The following SLC47A2 variants were observed in gnomAD, a reference collection of about 807,000 sequenced individuals.
SLC47A2 encodes multidrug and toxin extrusion protein 2.
SLC47A2 carries 52 observed loss-of-function variants against 67.7 expected under a neutral mutation model. That is an observed-to-expected ratio of 0.77 (90% CI 0.61 to 0.97). SLC47A2 has a LOEUF of 0.97. SLC47A2 is among the 50% of genes least tolerant of loss of function. The pLI is 0.00. For synonymous variants in SLC47A2, 278 were observed against 292.9 expected, an observed-to-expected ratio of 0.95 and a Z score of 0.52; for missense variants, 676 against 712.3, an observed-to-expected ratio of 0.95 and a Z score of 0.58.
At chr17:19,706,526 T>G (rs1187255266) in intron 9 of SLC47A2, 122 bp downstream of exon 9, 21 of 738,944 alleles carry the variant, frequency 2.8e-5, no homozygotes, top group Non-Finnish European at 4.3e-5. Flanking sequence ...GGAAGGGGGC[T>G]GGTGAGCTGC....
intron 13 of SLC47A2, among the ~76,000 whole-genome samples, chr17:19,692,830 T>C (rs1441720236): frequency 2.0e-5 from 3 of 152,162 alleles, no homozygotes; most frequent in Non-Finnish European, 2.9e-5. Context: ...ATATACACCA[T>C]GATCAAGAGA....
chr17:19,715,301 G>A, intron 1 of SLC47A2, 84 bp from the exon 2 acceptor site: 1 of 1,283,618 alleles, frequency 7.8e-7, no homozygotes, highest in Non-Finnish European at 1.1e-6. Context: ...CCAGCTTTGA[G>A]GGCCCCGCAC....
chr17:19,684,395 A>T (rs1402387115), intron 13 of SLC47A2, among the ~76,000 whole-genome samples: 1 of 152,230 alleles, frequency 6.6e-6, no homozygotes, highest in Admixed American at 6.5e-5. Context: ...TTTGATGAAC[A>T]TCAAAATTTA....
chr17:19,702,241 G>C (rs935847636), intron 13 of SLC47A2: 4 of 985,156 alleles, frequency 4.1e-6, no homozygotes, highest in Non-Finnish European at 4.8e-6. Context: ...GTCCCTCTGT[G>C]CTGGCAACAG....
intron 13 of SLC47A2, among the ~76,000 whole-genome samples, chr17:19,692,906 G>T (rs2085574576): frequency 6.6e-6 from 1 of 152,172 alleles, no homozygotes; most frequent in South Asian, 2.1e-4. Context: ...GCCGAGGCAG[G>T]TGGATCACGA....
intron 16 of SLC47A2, among the ~76,000 whole-genome samples, chr17:19,679,200 A>T (rs1015954369): frequency 1.3e-5 from 2 of 152,220 alleles, no homozygotes; most frequent in African/African-American, 4.8e-5. Context: ...CTGTGGCTTC[A>T]AAAGCACGTG....
Position 19,704,770 on chromosome 17 carries a change from C to G in SLC47A2, c.910-592G>C, listed in dbSNP as rs1179728462. 2.3e-6 allele frequency: 3 copies of G among 1,297,566 alleles called. No homozygotes were observed. In the African/African-American group the frequency reaches 4.5e-5, roughly 19 times the overall value. The allele number at this position is 1,297,566 out of a possible 1,614,324, so 80.4% of individuals were successfully genotyped here. A position where few individuals can be genotyped will look rare whatever the true frequency, so the allele number is the denominator to read the frequency against. On this transcript the variant is annotated intron_variant, in intron 10 of 16. Transcript: ENST00000433844. ...CCCTGCTGGGGACGCTGTCACCCAG[C>G]TCTGGCCGACTGCAGTGTGCAGGAA... is the stretch of plus-strand genomic sequence containing the variant.
rs1335533804 is a variant in SLC47A2 at position 19,681,610 on chromosome 17, C to T, written c.1225G>A (p.Ala409Thr). 2 of 1,614,172 alleles carry T rather than the reference C, an allele frequency of 1.2e-6. No homozygotes were observed. The highest frequency in any genetic ancestry group is 2.2e-5 in the South Asian group (2 of 91,082). The change falls in exon 14 of 17, where the codon GCC becomes ACC. Residue 409 changes from alanine to threonine, a missense_variant. Transcript: ENST00000433844. ...AGGCCGATGATGTAATATGTGATGG[C>T]ATTCACAGCGGCACCAAAGGCCTGC... Reference protein sequence around the residue: ...GKQAFGAAVNAITYYIIGLPL... With the variant: ...GKQAFGAAVNTITYYIIGLPL...
intron 13 of SLC47A2, among the ~76,000 whole-genome samples, chr17:19,699,040 A>G (rs914269359): frequency 1.6e-4 from 25 of 152,288 alleles, no homozygotes; most frequent in African/African-American, 5.8e-4. Context: ...GGGTCCTGGA[A>G]CCAATTGCCC....
chr17:19,714,482 G>C lies in SLC47A2; in HGVS notation c.294+239C>G. 1.9e-5 allele frequency: 11 copies of C among 590,290 alleles called. No individual in the cohort carries two copies. The South Asian group carries it at 2.2e-4, about 12-fold the overall frequency. 36.6% of individuals were successfully genotyped at this position (590,290 alleles called of 1,614,324 possible). ...TTGGTGACCTCCTCTGGGGGCAAGA[G>C]ATCAGAGAACTGTCTCCACCATCTC... On this transcript the variant is annotated intron_variant, in intron 3 of 16. Coordinates refer to ENST00000433844, the MANE Select transcript of SLC47A2 (RefSeq NM_001099646.3).
rs945153654 is a variant in SLC47A2, at chr17:19,678,398, T to G, written c.*288A>C. On this transcript the variant is annotated 3_prime_UTR_variant, in exon 17 of 17. Transcript: ENST00000433844. ...GTCCCATTTGAAGCCATTTACATTA[T>G]TAATAATAGTGACAATCCCTGGACT... 9.8e-6 allele frequency: 4 copies of G among 407,580 alleles called. No homozygotes were observed. The Admixed American group carries it at 1.1e-4, about 11-fold the overall frequency. 25.2% of individuals were successfully genotyped at this position (407,580 alleles called of 1,614,324 possible).
intron 13 of SLC47A2, among the ~76,000 whole-genome samples, chr17:19,700,919 G>A (rs1052098310): frequency 4.0e-5 from 6 of 151,768 alleles, no homozygotes; most frequent in African/African-American, 9.7e-5. Context: ...TAATCCCAGC[G>A]CATTTTGGGA....
intron 13 of SLC47A2, among the ~76,000 whole-genome samples, chr17:19,684,281 G>A (rs2085373318): frequency 6.6e-6 from 1 of 152,044 alleles, no homozygotes; most frequent in South Asian, 2.1e-4. Context: ...AGAGATGCCT[G>A]CCAGAAATAA....
rs371450752 is a variant in SLC47A2, at chr17:19,678,911, G to T, written c.1481-5C>A. On this transcript the variant is annotated splice_region_variant and splice_polypyrimidine_tract_variant and intron_variant, in intron 16 of 16. Transcript: ENST00000433844. ...CAGGGGAACTGCCTGTAGCCACTGC[G>T]GAAGCAAACAGGAGCAAACTCAGCA... 2.6e-6 allele frequency: 4 copies of T among 1,561,652 alleles called. No homozygotes were observed. The highest frequency in any genetic ancestry group is 3.5e-6 in the Non-Finnish European group (4 of 1,151,626).
At chr17:19,708,241 AG>A in intron 7 of SLC47A2, 60 bp downstream of exon 7, 1 of 1,547,544 alleles carries the variant, frequency 6.5e-7, no homozygotes, top group Non-Finnish European at 8.9e-7. Context: ...TGTCTCCACC[AG>A]GGGTGGAGAG....
At chr17:19,687,743 A>G (rs1002006936) in intron 13 of SLC47A2, among the ~76,000 whole-genome samples, 2 of 152,210 alleles carry the variant, frequency 1.3e-5, no homozygotes, top group South Asian at 2.1e-4. Flanking sequence ...GAAAACCTAG[A>G]ACTGGATAAA....
chr17:19,679,310 G>A (rs2152336283), intron 16 of SLC47A2, among the ~76,000 whole-genome samples: 1 of 152,328 alleles, frequency 6.6e-6, no homozygotes, highest in South Asian at 2.1e-4. Context: ...GATTAGCCCA[G>A]GATGGATGAG....
chr17:19,708,280 C>A, intron 7 of SLC47A2, 22 bp downstream of exon 7: 2 of 1,611,344 alleles, frequency 1.2e-6, no homozygotes, highest in Non-Finnish European at 1.7e-6. Flanking sequence ...CCTGACCAGG[C>A]CCCACCAGCC....
intron 8 of SLC47A2, among the ~76,000 whole-genome samples, chr17:19,707,466 G>A (rs2085971565): frequency 6.6e-6 from 1 of 152,208 alleles, no homozygotes; most frequent in African/African-American, 2.4e-5. Context: ...GGGTGTCACT[G>A]CTCTCACCGC....
Sources: allele counts gnomAD v4.1 joint callset (sites outside exome capture counted in the v4.1 genomes callset), GRCh38; gene constraint gnomAD v4.1.1; transcripts MANE v1.5; gene names NCBI Gene and HGNC (gene_info 2026-07-23, HGNC 2026-07-21).